CADPS2: variants seen among roughly 807,000 people sequenced by gnomAD.
The protein encoded by CADPS2 is calcium dependent secretion activator 2.
CADPS2 carries 93 observed loss-of-function variants against 172.5 expected under a neutral mutation model. The observed-to-expected ratio is 0.54, with a 90% confidence interval of 0.46 to 0.64. CADPS2 has a LOEUF of 0.64. Ranked by LOEUF, CADPS2 falls within the 30% of genes least tolerant of loss-of-function variation. The probability of loss-of-function intolerance (pLI) is 0.00; values close to 1 mark genes in which losing one functional copy is unlikely to be tolerated. For missense variants in CADPS2, 1,420 were observed against 1,565.9 expected (o/e 0.91, Z 1.57); for synonymous variants, 546 against 555.2 (o/e 0.98, Z 0.23).
intron 1 of CADPS2, among the ~76,000 whole-genome samples, chr7:122,839,196 T>C (rs1809577739): frequency 6.6e-6 from 1 of 152,192 alleles, no homozygotes; most frequent in Non-Finnish European, 1.5e-5. Context: ...CCCTATTTAA[T>C]AAATGGTGCT....
chr7:122,343,176 T>C (rs1222923650), intron 28 of CADPS2, among the ~76,000 whole-genome samples: 1 of 152,192 alleles, frequency 6.6e-6, no homozygotes, highest in Non-Finnish European at 1.5e-5. Context: ...TCTATTTTTA[T>C]TTTTAAATAA....
At chr7:122,872,843 C>T (rs1364637036) in intron 1 of CADPS2, among the ~76,000 whole-genome samples, 2 of 152,034 alleles carry the variant, frequency 1.3e-5, no homozygotes, top group African/African-American at 4.8e-5. Context: ...ACTTTGTAAA[C>T]TAAAGTTAAA....
chr7:122,813,494 T>C (rs1258230893), intron 1 of CADPS2, among the ~76,000 whole-genome samples: 1 of 152,126 alleles, frequency 6.6e-6, no homozygotes, highest in African/African-American at 2.4e-5. Flanking sequence ...GTGTTTATAG[T>C]TCTCTAGTCA....
intron 28 of CADPS2, among the ~76,000 whole-genome samples, chr7:122,340,226 TA>T (rs2036562162): frequency 6.6e-6 from 1 of 152,134 alleles, no homozygotes; most frequent in African/African-American, 2.4e-5. Flanking sequence ...CAAGACATCA[TA>T]ACATTAAAAA....
intron 9 of CADPS2, among the ~76,000 whole-genome samples, chr7:122,497,905 G>C (rs930866844): frequency 2.0e-5 from 3 of 152,100 alleles, no homozygotes; most frequent in African/African-American, 7.2e-5. Flanking sequence ...TTGTCAGAAG[G>C]CTTATACATC....
chr7:122,374,439 G>A (rs992468623), intron 25 of CADPS2, among the ~76,000 whole-genome samples: 2 of 151,600 alleles, frequency 1.3e-5, no homozygotes, highest in Admixed American at 1.3e-4. Context: ...AAATAAATAA[G>A]TAAAGAAGAA....
chr7:122,369,137 C>CA (rs2041394070), intron 25 of CADPS2, among the ~76,000 whole-genome samples: 1 of 92,128 alleles, frequency 1.1e-5, no homozygotes, highest in Non-Finnish European at 2.0e-5. Context: ...TCCCCCCCCC[C>CA]CCCCCTTTTT....
At chr7:122,830,102 T>C (rs1806091089) in intron 1 of CADPS2, among the ~76,000 whole-genome samples, 1 of 151,916 alleles carries the variant, frequency 6.6e-6, no homozygotes, top group African/African-American at 2.4e-5. Context: ...GTTAACTGGC[T>C]TGCCCAAGGT....
chr7:122,498,434 A>T (rs892056378), intron 9 of CADPS2, among the ~76,000 whole-genome samples: 2 of 152,164 alleles, frequency 1.3e-5, no homozygotes, highest in Admixed American at 1.3e-4. Context: ...TGCCTCTGTC[A>T]CATTTTTCCT....
intron 2 of CADPS2, among the ~76,000 whole-genome samples, chr7:122,689,577 T>C (rs143297335): frequency 1.2e-3 from 180 of 152,256 alleles, no homozygotes; most frequent in African/African-American, 4.1e-3. Context: ...GTCATGTAGG[T>C]GACCAGGCAA....
At chr7:122,647,753 A>G (rs1393505962) in intron 3 of CADPS2, among the ~76,000 whole-genome samples, 1 of 152,218 alleles carries the variant, frequency 6.6e-6, no homozygotes, top group Non-Finnish European at 1.5e-5. Context: ...CTTTAAAAAA[A>G]GCTTTATATG....
chr7:122,490,251 G>T lies in CADPS2; in HGVS notation c.1682C>A (p.Ala561Asp). 6.2e-7 allele frequency: 1 copy of T among 1,612,906 alleles called. No homozygotes were observed. Among genetic ancestry groups the T allele is most frequent in the South Asian group, 1.1e-5 (1 of 91,058 alleles). Residue 561 changes from alanine (A) to aspartate (D), a missense_variant, in exon 11 of 30, where the codon GCT becomes GAT. Ala to Asp is a moderately radical substitution (Grantham distance 126, BLOSUM62 -2). Transcript: ENST00000449022. Reference protein sequence around the residue: ...GLQGGCMFFNAVKEGDTVIFA... With the variant: ...GLQGGCMFFNDVKEGDTVIFA... ...GATTACAGTATCTCCTTCTTTAACA[G>T]CATTAAAGAACATACAACCACCCTG...
intron 6 of CADPS2, among the ~76,000 whole-genome samples, chr7:122,602,661 G>A (rs2072962585): frequency 6.6e-6 from 1 of 151,932 alleles, no homozygotes; most frequent in African/African-American, 2.4e-5. Context: ...CACTCTGCTT[G>A]GATCTCCAGT....
At chr7:122,718,318 A>T (rs2089935528) in intron 2 of CADPS2, among the ~76,000 whole-genome samples, 3 of 152,046 alleles carry the variant, frequency 2.0e-5, no homozygotes, top group Admixed American at 1.3e-4. Context: ...TGGAAAAATG[A>T]CAAGAAGGGG....
At chr7:122,486,377 A>G (rs2057816147) in intron 11 of CADPS2, among the ~76,000 whole-genome samples, 1 of 152,112 alleles carries the variant, frequency 6.6e-6, no homozygotes, top group South Asian at 2.1e-4. Flanking sequence ...GTTGATTCCA[A>G]CCCTCAGGGA....
At chr7:122,680,276 ATC>A (rs1435853323) in intron 2 of CADPS2, among the ~76,000 whole-genome samples, 2 of 152,226 alleles carry the variant, frequency 1.3e-5, no homozygotes, top group Non-Finnish European at 2.9e-5. Flanking sequence ...ATAGCAAATA[ATC>A]TGTTTTATCT....
intron 11 of CADPS2, among the ~76,000 whole-genome samples, chr7:122,481,695 C>T (rs2057323946): frequency 6.6e-6 from 1 of 151,236 alleles, no homozygotes; most frequent in Non-Finnish European, 1.5e-5. Flanking sequence ...AAATTGATAT[C>T]GAATAATAGA....
chr7:122,349,346 T>C (rs2038182621), intron 27 of CADPS2, among the ~76,000 whole-genome samples: 1 of 152,202 alleles, frequency 6.6e-6, no homozygotes, highest in Non-Finnish European at 1.5e-5. Flanking sequence ...AAGTACTCTA[T>C]GTATTAAATG....
intron 1 of CADPS2, among the ~76,000 whole-genome samples, chr7:122,796,831 C>T (rs1376704466): frequency 1.3e-5 from 2 of 151,722 alleles, no homozygotes; most frequent in African/African-American, 4.8e-5. Flanking sequence ...GGTGAAGACA[C>T]CAAAAGCAAT....
Sources: allele counts gnomAD v4.1 joint callset (sites outside exome capture counted in the v4.1 genomes callset), GRCh38; gene constraint gnomAD v4.1.1; transcripts MANE v1.5; gene names NCBI Gene and HGNC (gene_info 2026-07-23, HGNC 2026-07-21).